KNL1: variants seen among roughly 807,000 people sequenced by gnomAD.
KNL1 encodes the protein kinetochore scaffold 1, also known as outer kinetochore KNL1 complex subunit KNL1.
Under a neutral mutation model 201.3 loss-of-function variants are expected in KNL1, and 66 were observed. The observed-to-expected ratio is 0.33, with a 90% CI of 0.27 to 0.40. KNL1 has a LOEUF of 0.40. KNL1 is among the 10% of genes least tolerant of loss of function. The pLI is 1.00. For synonymous variants in KNL1, 895 were observed against 899.2 expected (o/e 1.00, Z 0.08); for missense variants, 2,815 against 2,690.5 (o/e 1.05, Z -1.02).
chr15:40,617,709 T>C (rs1480850401), intron 8 of KNL1, among the ~76,000 whole-genome samples: 1 of 152,122 alleles, frequency 6.6e-6, no homozygotes, highest in Non-Finnish European at 1.5e-5. Flanking sequence ...GGCTGTCTTA[T>C]TAAAGAGGCC....
chr15:40,605,416 G>A (rs1459319646), intron 3 of KNL1, among the ~76,000 whole-genome samples: 1 of 152,100 alleles, frequency 6.6e-6, no homozygotes, highest in Non-Finnish European at 1.5e-5. Context: ...TTAACCTGTG[G>A]TACAAAGCTG....
intron 25 of KNL1, among the ~76,000 whole-genome samples, chr15:40,659,729 C>T (rs1185450520): frequency 6.6e-6 from 1 of 152,106 alleles, no homozygotes; most frequent in Non-Finnish European, 1.5e-5. Flanking sequence ...GTCCGCCCAC[C>T]TCGGCCTCCC....
At chr15:40,652,944 C>A (rs1383145060) in intron 21 of KNL1, among the ~76,000 whole-genome samples, 1 of 152,034 alleles carries the variant, frequency 6.6e-6, no homozygotes, top group Non-Finnish European at 1.5e-5. Context: ...TAGGTATTTT[C>A]TCTTTAACCA....
At position 40,628,619 on chromosome 15, in the gene KNL1, A is replaced by G. The variant is rs1217813768; in HGVS notation, c.5524A>G (p.Ser1842Gly). 4 of 1,601,604 alleles carry G rather than the reference A, an allele frequency of 2.5e-6. No individual in the cohort carries two copies. The South Asian group carries it at 4.5e-5, about 18-fold the overall frequency. The change falls in exon 12 of 26, where the codon AGT becomes GGT. Residue 1842 changes from serine (S) to glycine (G), a missense_variant. By Grantham distance (56) the Ser-to-Gly change is moderately conservative. Coordinates refer to ENST00000399668, the MANE Select transcript of KNL1 (RefSeq NM_144508.5). Reference sequence around the variant, plus strand: ...ATTTGCTTTACTTCTAGCTTACCGCAGTAGTCAAATGGAATCACAGTTTCT... The same window carrying G: ...ATTTGCTTTACTTCTAGCTTACCGCGGTAGTCAAATGGAATCACAGTTTCT... ...GTSLDFSTYR[S>G]SQMESQFLRD...
In KNL1 at chr15:40,622,481, T is replaced by A; in HGVS notation, c.2217T>A (p.Ser739Arg). The change falls in exon 10 of 26, where the codon AGT becomes AGA. Residue 739 changes from serine to arginine, a missense_variant. Coordinates refer to ENST00000399668, the MANE Select transcript of KNL1 (RefSeq NM_144508.5). ...AACTGGCTGAGCCACTGAGGAAAAG[T>A]TTAAGCAATCCCACACCTGACTATT... ...NSKLAEPLRK[S>R]LSNPTPDYCH... 2 of 1,613,974 alleles carry A rather than the reference T, an allele frequency of 1.2e-6. No individual in the cohort carries two copies. Among genetic ancestry groups the A allele is most frequent in the Non-Finnish European group, 1.7e-6 (2 of 1,179,924 alleles).
intron 4 of KNL1, among the ~76,000 whole-genome samples, chr15:40,608,605 C>T (rs894267931): frequency 4.0e-5 from 6 of 151,844 alleles, no homozygotes; most frequent in Middle Eastern, 3.4e-3. Flanking sequence ...ATTAGTTGGT[C>T]GTGGTGACGT....
At chr15:40,604,135 AT>A (rs1356443222) in intron 2 of KNL1, among the ~76,000 whole-genome samples, 46 of 151,942 alleles carry the variant, frequency 3.0e-4, no homozygotes, top group African/African-American at 1.1e-3. Flanking sequence ...CATCATCATC[AT>A]CATCATCATC....
intron 25 of KNL1, 24 bp from the exon 26 acceptor site, chr15:40,662,050 T>G: frequency 7.1e-7 from 1 of 1,405,122 alleles, no homozygotes; most frequent in Non-Finnish European, 1.0e-6. Context: ...AAAAAGAAAA[T>G]TGATTAACCT....
rs189469330 is a variant in KNL1 at position 40,655,741 on chromosome 15, C to T, written c.6484+764C>T. Among the ~76,000 whole-genome samples the T allele has an allele frequency of 1.7e-4, 26 of 151,688 alleles. 1 individual carries two copies. The South Asian group carries it at 3.7e-3, about 22-fold the overall frequency. On this transcript the variant is annotated intron_variant, in intron 22 of 25. Coordinates refer to ENST00000399668, the MANE Select transcript of KNL1 (RefSeq NM_144508.5). ...TATCCTGGCTAACACGGTGAAACCCCGTCTCTACTAAAAAATACAAAAAAA... is the reference window on the plus strand; with the variant it reads ...TATCCTGGCTAACACGGTGAAACCCTGTCTCTACTAAAAAATACAAAAAAA...
intron 1 of KNL1, among the ~76,000 whole-genome samples, chr15:40,601,554 A>G (rs1891790706): frequency 6.6e-6 from 1 of 152,106 alleles, no homozygotes; most frequent in Non-Finnish European, 1.5e-5. Context: ...AAAATGGGCC[A>G]GGCGGGGTGG....
intron 2 of KNL1, among the ~76,000 whole-genome samples, chr15:40,604,612 C>T (rs1245869161): frequency 6.6e-6 from 1 of 152,128 alleles, no homozygotes; most frequent in Non-Finnish European, 1.5e-5. Context: ...AAAAATCAAG[C>T]GTGGCAACAC....
At chr15:40,596,160 C>T (rs760677193) in intron 1 of KNL1, among the ~76,000 whole-genome samples, 2 of 152,098 alleles carry the variant, frequency 1.3e-5, no homozygotes, top group Non-Finnish European at 2.9e-5. Flanking sequence ...ACCTAACAGT[C>T]TATTTATTGA....
At chr15:40,620,412 C>T (rs866536675) in intron 9 of KNL1, among the ~76,000 whole-genome samples, 2 of 151,934 alleles carry the variant, frequency 1.3e-5, no homozygotes, top group African/African-American at 2.4e-5. Context: ...GGGGTTTCAC[C>T]ATGTTAGCCA....
At chr15:40,627,871 ATAGAG>A (rs1460067126) in intron 10 of KNL1, among the ~76,000 whole-genome samples, 194 bp from the exon 11 acceptor site, 2 of 152,240 alleles carry the variant, frequency 1.3e-5, no homozygotes, top group African/African-American at 2.4e-5. Context: ...AGTATAATCC[ATAGAG>A]TAATTTTCAA....
rs1426084872 is a variant in KNL1 at position 40,623,906 on chromosome 15, A to G, written c.3642A>G (p.Lys1214=). Residue 1214 remains lysine, a synonymous_variant, in exon 10 of 26, where the codon AAA becomes AAG. Coordinates refer to ENST00000399668, the MANE Select transcript of KNL1 (RefSeq NM_144508.5). The part of the protein sequence containing the change: ...DNSCVQEIAE[K]QALAVGNKIV... Reference sequence around the variant, plus strand: ...GCTGTGTTCAAGAAATCGCTGAAAAACAAGCACTGGCTGTAGGAAACAAAA... The same window carrying G: ...GCTGTGTTCAAGAAATCGCTGAAAAGCAAGCACTGGCTGTAGGAAACAAAA... The G allele has an allele frequency of 6.2e-7, 1 of 1,613,480 alleles. No individual in the cohort carries two copies. Among genetic ancestry groups the G allele is most frequent in the Non-Finnish European group, 8.5e-7 (1 of 1,179,942 alleles).
rs2412544 is a variant in KNL1 at position 40,657,328 on chromosome 15, C to T, written c.6595-27C>T. ...GCATTGAAATGTTTTCATAATTTCA[C>T]TGGATTTTTTTTCCCACTTTTTCTA... is the stretch of plus-strand genomic sequence containing the variant. On this transcript the variant is annotated intron_variant, in intron 23 of 25. Coordinates refer to ENST00000399668, the MANE Select transcript of KNL1 (RefSeq NM_144508.5). The T allele has an allele frequency of 0.4, 545,806 of 1,381,350 alleles. 110,388 individuals are homozygous for T. Among genetic ancestry groups the T allele is most frequent in the South Asian group, 0.49 (41,397 of 84,136 alleles). The allele number at this position is 1,381,350 out of a possible 1,614,324, so 85.6% of individuals were successfully genotyped here.
intron 17 of KNL1, among the ~76,000 whole-genome samples, chr15:40,649,018 A>G (rs1309049341): frequency 7.1e-6 from 1 of 140,118 alleles, no homozygotes; most frequent in Non-Finnish European, 1.6e-5. Context: ...TTGTATTTTT[A>G]GTAGAGACGG....
chr15:40,647,592 G>A (rs563754465), intron 17 of KNL1, among the ~76,000 whole-genome samples: 1 of 152,086 alleles, frequency 6.6e-6, no homozygotes. Context: ...GTAATTTTGT[G>A]TTTTTTAATA....
Position 40,629,386 on chromosome 15 carries a change from T to G in KNL1, c.5682+15T>G. On this transcript the variant is annotated intron_variant, in intron 13 of 25. Coordinates refer to ENST00000399668, the MANE Select transcript of KNL1 (RefSeq NM_144508.5). ...TCCCAGGCAATGTAAGTGCAGTTTC[T>G]TGGCAAAATGTTTGCATCAAAGCAA... 1 of 1,553,418 alleles carries G rather than the reference T, an allele frequency of 6.4e-7. No individual in the cohort carries two copies. Among genetic ancestry groups the G allele is most frequent in the Non-Finnish European group, 8.7e-7 (1 of 1,146,960 alleles).
Sources: gnomAD v4.1 joint callset for allele counts (sites outside exome capture counted in the v4.1 genomes callset) on GRCh38, gnomAD v4.1.1 for gene constraint, MANE v1.5 for transcripts, NCBI Gene and HGNC (gene_info 2026-07-23, HGNC 2026-07-21) for gene names.